FUT8: variants seen among roughly 807,000 people sequenced by gnomAD.
The protein encoded by FUT8 is fucosyltransferase 8, also known as alpha-(1,6)-fucosyltransferase.
FUT8 carries 29 observed loss-of-function variants against 71.3 expected under a neutral mutation model. The observed-to-expected ratio is 0.41, with a 90% CI of 0.30 to 0.55. FUT8 has a LOEUF of 0.55. Among genes scored for constraint, FUT8 ranks in the 20% least tolerant of loss-of-function variants. The pLI is 0.34. For synonymous variants in FUT8, 254 were observed against 239.3 expected (o/e 1.06, Z -0.57); for missense variants, 544 against 702.1 (o/e 0.77, Z 2.55).
At chr14:65,602,639 A>G (rs995773322) in intron 3 of FUT8, among the ~76,000 whole-genome samples, 3 of 151,726 alleles carry the variant, frequency 2.0e-5, no homozygotes, top group African/African-American at 7.3e-5. Context: ...TCCCACCAGC[A>G]TTGTAGAAGT....
At chr14:65,549,630 C>T (rs188899701) in intron 2 of FUT8, among the ~76,000 whole-genome samples, 10 of 152,218 alleles carry the variant, frequency 6.6e-5, no homozygotes, top group African/African-American at 2.2e-4. Flanking sequence ...GGCCCCAAAA[C>T]GGATATTGTA....
the FUT8 span, among the ~76,000 whole-genome samples, chr14:65,378,840 T>TTTTG: frequency 7.9e-6 from 1 of 127,348 alleles, no homozygotes; most frequent in Non-Finnish European, 1.7e-5. Context: ...CAAGAAGGTT[T>TTTTG]TTTTTTTTTT....
At chr14:65,665,265 GT>G (rs1566883465) in intron 6 of FUT8, among the ~76,000 whole-genome samples, 1 of 152,142 alleles carries the variant, frequency 6.6e-6, no homozygotes, top group East Asian at 1.9e-4. Flanking sequence ...AGAAATTAGA[GT>G]TTTTCTTTTA....
rs1395939049 is a variant in FUT8 at position 65,603,508 on chromosome 14, C to T, written c.204-12470C>T. 3.3e-5 allele frequency among the ~76,000 whole-genome samples: 5 copies of T among 151,302 alleles called. No individual in the cohort carries two copies. Among genetic ancestry groups the T allele is most frequent in the African/African-American group, 1.2e-4 (5 of 41,226 alleles). ...ATTTTAGAATTGTTTTTTTCTAATT[C>T]TGTAAAGAATGATGGCGGTATTTTG... On this transcript the variant is annotated intron_variant, in intron 3 of 10. Transcript: ENST00000673929. This position sits in a 1 kb window ranked among gnomAD's most constrained non-coding sequence, Gnocchi z 4.5.
chr14:65,525,349 A>G (rs1883378357), intron 2 of FUT8, among the ~76,000 whole-genome samples: 1 of 152,098 alleles, frequency 6.6e-6, no homozygotes, highest in Admixed American at 6.6e-5. Context: ...GTTTATTTGC[A>G]TAGAGGTGTT....
chr14:65,481,792 A>G (rs772866303), intron 2 of FUT8, among the ~76,000 whole-genome samples: 6 of 151,990 alleles, frequency 3.9e-5, no homozygotes, highest in Non-Finnish European at 7.4e-5. Flanking sequence ...TATCTGTTCA[A>G]ATATTTTGGC....
chr14:65,563,881 A>G (rs1465210892), intron 3 of FUT8, among the ~76,000 whole-genome samples: 2 of 152,072 alleles, frequency 1.3e-5, no homozygotes, highest in East Asian at 3.9e-4. Context: ...TCTCAACTAC[A>G]TTTAAATGTA....
chr14:65,610,787 A>C (rs1187841667), intron 3 of FUT8, among the ~76,000 whole-genome samples: 2 of 151,970 alleles, frequency 1.3e-5, no homozygotes, highest in Non-Finnish European at 2.9e-5. Flanking sequence ...TTGTTTAAAA[A>C]AAATTTTGTC....
At chr14:65,397,237 G>C in the FUT8 span, among the ~76,000 whole-genome samples, 1 of 152,210 alleles carries the variant, frequency 6.6e-6, no homozygotes, top group East Asian at 1.9e-4. The surrounding 1 kb of genome is among the most constrained non-coding windows in gnomAD (Gnocchi z 4.2). Flanking sequence ...TTATTGGCTA[G>C]AGTGTGGTGT....
intron 5 of FUT8, chr14:65,617,320 A>C (rs780658434): frequency 9.8e-7 from 1 of 1,025,244 alleles, no homozygotes; most frequent in Non-Finnish European, 1.3e-6. Context: ...TAATGAATCT[A>C]CAGAAATATG....
At chr14:65,508,503 T>G (rs1022051728) in intron 2 of FUT8, among the ~76,000 whole-genome samples, 6 of 131,338 alleles carry the variant, frequency 4.6e-5, no homozygotes, top group African/African-American at 5.7e-5. Flanking sequence ...TTTTTTTTTT[T>G]TTTTTTTTTT....
chr14:65,477,999 T>G (rs903141328), intron 2 of FUT8, among the ~76,000 whole-genome samples: 1 of 152,132 alleles, frequency 6.6e-6, no homozygotes, highest in African/African-American at 2.4e-5. Context: ...TATAAACTCT[T>G]TAATCAGAAG....
intron 2 of FUT8, among the ~76,000 whole-genome samples, chr14:65,519,573 TA>T (rs1882946065): frequency 6.6e-6 from 1 of 152,196 alleles, no homozygotes; most frequent in South Asian, 2.1e-4. Context: ...TTAAAAATAA[TA>T]AAGCTGCTTA....
chr14:65,646,888 A>C (rs117515449), intron 6 of FUT8, among the ~76,000 whole-genome samples: 1 of 152,312 alleles, frequency 6.6e-6, no homozygotes, highest in East Asian at 1.9e-4. Flanking sequence ...TGAACATGAT[A>C]ATTCTCACAC....
intron 7 of FUT8, among the ~76,000 whole-genome samples, chr14:65,690,281 A>C (rs958116546): frequency 1.3e-5 from 2 of 152,100 alleles, no homozygotes; most frequent in African/African-American, 2.4e-5. Context: ...CTTTATATAT[A>C]AAGTAATCTT....
chr14:65,541,558 G>T (rs1173415818), intron 2 of FUT8, among the ~76,000 whole-genome samples: 1 of 152,234 alleles, frequency 6.6e-6, no homozygotes, highest in East Asian at 1.9e-4. Flanking sequence ...CAAGAAGAGA[G>T]TGAGAATTCA....
chr14:65,612,869 T>G (rs1261426987), intron 3 of FUT8, among the ~76,000 whole-genome samples: 1 of 152,222 alleles, frequency 6.6e-6, no homozygotes, highest in Non-Finnish European at 1.5e-5. Context: ...TGGCTAGAAG[T>G]GGAAGTCTTA....
At chr14:65,637,372 T>C (rs974497794) in intron 6 of FUT8, among the ~76,000 whole-genome samples, 6 of 152,270 alleles carry the variant, frequency 3.9e-5, no homozygotes, top group African/African-American at 1.2e-4. Flanking sequence ...TTTAACTTGT[T>C]TGGAGCAGTT....
intron 7 of FUT8, among the ~76,000 whole-genome samples, chr14:65,704,978 A>T (rs1429689507): frequency 6.6e-6 from 1 of 152,244 alleles, no homozygotes; most frequent in Non-Finnish European, 1.5e-5. Flanking sequence ...TATTAAAAGC[A>T]GCAGGCACCT....
Sources: allele counts gnomAD v4.1 joint callset (sites outside exome capture counted in the v4.1 genomes callset), GRCh38; gene constraint gnomAD v4.1.1; non-coding constraint Gnocchi (gnomAD v3.1); transcripts MANE v1.5; gene names NCBI Gene and HGNC (gene_info 2026-07-23, HGNC 2026-07-21).